The following MYT1 variants were observed in gnomAD, a reference collection of about 807,000 sequenced individuals.
The protein encoded by MYT1 is myelin transcription factor 1.
MYT1 carries 23 observed loss-of-function variants against 123.0 expected under a neutral mutation model. The observed-to-expected ratio is 0.19, with a 90% CI of 0.13 to 0.26. The LOEUF (loss-of-function observed/expected upper bound fraction) is 0.26. Among genes scored for constraint, MYT1 ranks in the 10% least tolerant of loss-of-function variants. The probability of loss-of-function intolerance (pLI) is 1.00; values close to 1 mark genes in which losing one functional copy is unlikely to be tolerated. For missense variants in MYT1, 1,125 were observed against 1,472.5 expected (o/e 0.76, Z 3.86); for synonymous variants, 518 against 575.3 (o/e 0.90, Z 1.43).
Position 64,186,878 on chromosome 20 carries a change from C to A in MYT1, c.-98-3185C>A, listed in dbSNP as rs532862773. 6.7e-6 allele frequency among the ~76,000 whole-genome samples: 1 copy of A among 150,172 alleles called. No homozygotes were observed. The highest frequency in any genetic ancestry group is 2.0e-4 in the East Asian group (1 of 5,028). On this transcript the variant is annotated intron_variant, in intron 1 of 22. Coordinates refer to ENST00000328439, the MANE Select transcript of MYT1 (RefSeq NM_004535.3). The surrounding 1 kb of genome is among the most constrained non-coding windows in gnomAD (Gnocchi z 4.3). ...CACGTGGCTCCGGCATCCACGTTTCCGTGGAGACTTTTCCTGTAGCCCGTG... is the reference window on the plus strand; with the variant it reads ...CACGTGGCTCCGGCATCCACGTTTCAGTGGAGACTTTTCCTGTAGCCCGTG...
intron 16 of MYT1, among the ~76,000 whole-genome samples, chr20:64,226,371 T>G (rs1481829959): frequency 6.6e-6 from 1 of 152,270 alleles, no homozygotes; most frequent in African/African-American, 2.4e-5. Context: ...GGAGATGTCC[T>G]GTCCCAGTGG....
Position 64,172,741 on chromosome 20 carries a change from CTTTT to C in MYT1, c.-99+8022_-99+8025del, listed in dbSNP as rs33943131. ...GTGCTGCTGGCTCTGGCCATACCCT[CTTTT>C]TTTTTTTTTTTTTTTTTTTGAAGAT... On this transcript the variant is annotated intron_variant, in intron 1 of 22. Transcript: ENST00000328439. Among the ~76,000 whole-genome samples, 301 of 95,548 alleles carry C rather than the reference CTTTT, an allele frequency of 3.2e-3. 4 individuals are homozygous for C. Among genetic ancestry groups the C allele is most frequent in the African/African-American group, 0.012 (283 of 23,552 alleles). The allele number at this position is 95,548 out of a possible 152,430, so 62.7% of individuals were successfully genotyped here. A position where few individuals can be genotyped will look rare whatever the true frequency, so the allele number is the denominator to read the frequency against.
rs1161981677 is a variant in MYT1, at chr20:64,189,345, G to T, written c.-98-718G>T. On this transcript the variant is annotated intron_variant, in intron 1 of 22. Coordinates refer to ENST00000328439, the MANE Select transcript of MYT1 (RefSeq NM_004535.3). The surrounding 1 kb of genome is among the most constrained non-coding windows in gnomAD (Gnocchi z 5.5). ...ATGGAAACGGGGAGTGACGTGCAGG[G>T]AATAGGTACACAATGCGTTTCTTTG... is the stretch of plus-strand genomic sequence containing the variant. Among the ~76,000 whole-genome samples, 1 of 152,230 alleles carries T rather than the reference G, an allele frequency of 6.6e-6. No homozygotes were observed. Among genetic ancestry groups the T allele is most frequent in the African/African-American group, 2.4e-5 (1 of 41,460 alleles).
chr20:64,182,964 C>T (rs1982696142), intron 1 of MYT1, among the ~76,000 whole-genome samples: 1 of 151,854 alleles, frequency 6.6e-6, no homozygotes, highest in African/African-American at 2.4e-5. Flanking sequence ...TAGGGTTGTA[C>T]ATCTATCACC....
Position 64,214,056 on chromosome 20 carries a change from A to G in MYT1, c.1631+409A>G, listed in dbSNP as rs183901842. ...CAGCCAAGGACCACGGACGTCCAGGAAGCACCATGAGCCACTAATCCTTGG... is the reference window on the plus strand; with the variant it reads ...CAGCCAAGGACCACGGACGTCCAGGGAGCACCATGAGCCACTAATCCTTGG... On this transcript the variant is annotated intron_variant, in intron 10 of 22. Coordinates refer to ENST00000328439, the MANE Select transcript of MYT1 (RefSeq NM_004535.3). 3.3e-5 allele frequency among the ~76,000 whole-genome samples: 5 copies of G among 152,290 alleles called. No individual in the cohort carries two copies. In the East Asian group the frequency reaches 9.7e-4, roughly 29 times the overall value.
At chr20:64,214,182 T>C (rs143322151) in intron 10 of MYT1, among the ~76,000 whole-genome samples, 2 of 152,270 alleles carry the variant, frequency 1.3e-5, no homozygotes, top group African/African-American at 4.8e-5. Context: ...GCCCCTGAGG[T>C]TCTGAGATCA....
intron 16 of MYT1, 31 bp from the exon 17 acceptor site, chr20:64,227,384 G>C (rs373379223): frequency 6.6e-5 from 107 of 1,609,208 alleles, no homozygotes; most frequent in Non-Finnish European, 8.4e-5. Flanking sequence ...GCCTTCACGG[G>C]CTCCCGTTCC....
intron 10 of MYT1, among the ~76,000 whole-genome samples, chr20:64,216,013 A>G (rs1983829018): frequency 6.6e-6 from 1 of 152,052 alleles, no homozygotes. Flanking sequence ...AGGAGAAAAC[A>G]CCCACGTCCT....
chr20:64,237,303 G>T lies in MYT1; in HGVS notation c.3006G>T (p.Glu1002Asp), dbSNP rs1397377236. The change falls in exon 21 of 23, where the codon GAG becomes GAT. Residue 1002 changes from glutamate to aspartate, a missense_variant. Glu to Asp is a conservative substitution (Grantham distance 45). This residue lies in a region of MYT1 where 243 missense variants were observed against 323.1 expected (regional missense o/e 0.75). Transcript: ENST00000328439. ...CTGGGTCAGTGTTGGAGAATGATGA[G>T]GAGATCAAGCAGCTGAACCAGGAGA... Reference protein sequence around the residue: ...FKTSDVLENDEEIKQLNQEIR... With the variant: ...FKTSDVLENDDEIKQLNQEIR... The T allele has an allele frequency of 5.6e-6, 9 of 1,611,034 alleles. 1 individual carries two copies. The highest frequency in any genetic ancestry group is 2.7e-5 in the African/African-American group (2 of 74,938).
chr20:64,210,361 T>C lies in MYT1; in HGVS notation c.1292-845T>C, dbSNP rs536454803. Among the ~76,000 whole-genome samples, 65 of 152,338 alleles carry C rather than the reference T, an allele frequency of 4.3e-4. 1 individual carries two copies. In the South Asian group the frequency reaches 0.013, roughly 30 times the overall value. On this transcript the variant is annotated intron_variant, in intron 7 of 22. Transcript: ENST00000328439. ...GGGACTGATGTTGGGGCACAGATGC[T>C]GCGAGAATTCTGGACAGAGGCCGTG...
rs1197979895 is a variant in MYT1, at chr20:64,239,645, C to T, written c.3094-115C>T. The T allele has an allele frequency of 2.1e-5, 31 of 1,464,114 alleles. No individual in the cohort carries two copies. The Admixed American group carries it at 5.9e-4, about 28-fold the overall frequency. 90.7% of individuals were successfully genotyped at this position (1,464,114 alleles called of 1,614,324 possible). A position where few individuals can be genotyped will look rare whatever the true frequency, so the allele number is the denominator to read the frequency against. ...CAGGAAGGCAGGGTCCCTGCCTCTT[C>T]CCCCACCCCAGGGTTCTGCATTCTC... is the stretch of plus-strand genomic sequence containing the variant. On this transcript the variant is annotated intron_variant, in intron 21 of 22. Transcript: ENST00000328439.
intron 1 of MYT1, among the ~76,000 whole-genome samples, chr20:64,180,304 T>C (rs1430553740): frequency 6.6e-6 from 1 of 152,246 alleles, no homozygotes; most frequent in Non-Finnish European, 1.5e-5. Flanking sequence ...AAACACAAGT[T>C]CATATTGATA....
chr20:64,228,841 A>G (rs1272192653), intron 18 of MYT1, among the ~76,000 whole-genome samples: 1 of 152,194 alleles, frequency 6.6e-6, no homozygotes, highest in African/African-American at 2.4e-5. Context: ...AGTGGAAATG[A>G]TGGCTCTGGA....
rs1402005758 is a variant in MYT1 at position 64,186,038 on chromosome 20, A to T, written c.-98-4025A>T. 1.3e-5 allele frequency among the ~76,000 whole-genome samples: 2 copies of T among 152,152 alleles called. No individual in the cohort carries two copies. The highest frequency in any genetic ancestry group is 3.9e-4 in the East Asian group (2 of 5,192). The stretch of plus-strand genomic sequence containing the variant: ...GGGGGGCTACAGCTCAGCACTGCAC[A>T]TCTCCCTGGCCTGTGTTGGAGTCTC... On this transcript the variant is annotated intron_variant, in intron 1 of 22. Coordinates refer to ENST00000328439, the MANE Select transcript of MYT1 (RefSeq NM_004535.3). This position sits in a 1 kb window ranked among gnomAD's most constrained non-coding sequence, Gnocchi z 4.3.
chr20:64,185,034 T>C lies in MYT1; in HGVS notation c.-98-5029T>C, dbSNP rs1346002564. Among the ~76,000 whole-genome samples, 2 of 152,010 alleles carry C rather than the reference T, an allele frequency of 1.3e-5. No individual in the cohort carries two copies. Among genetic ancestry groups the C allele is most frequent in the Non-Finnish European group, 2.9e-5 (2 of 67,996 alleles). On this transcript the variant is annotated intron_variant, in intron 1 of 22. Transcript: ENST00000328439. The surrounding 1 kb of genome is among the most constrained non-coding windows in gnomAD (Gnocchi z 4.5). ...CGCCTGTTGTTCCAGTAGAGGGATGTGGGTGGAGGCCAACTGTGGTGGGGA... is the reference window on the plus strand; with the variant it reads ...CGCCTGTTGTTCCAGTAGAGGGATGCGGGTGGAGGCCAACTGTGGTGGGGA...
In MYT1 at chr20:64,188,877, A is replaced by G. The variant is rs74948381; in HGVS notation, c.-98-1186A>G. Among the ~76,000 whole-genome samples, 1,261 of 152,322 alleles carry G rather than the reference A, an allele frequency of 8.3e-3. 9 individuals are homozygous for G. Among genetic ancestry groups the G allele is most frequent in the Middle Eastern group, 0.017 (5 of 294 alleles). ...CGGCCTGCGGGTGACTTACAGCTCAATGAGGGGAGGCACAGAGTAGGTGCA... is the reference window on the plus strand; with the variant it reads ...CGGCCTGCGGGTGACTTACAGCTCAGTGAGGGGAGGCACAGAGTAGGTGCA... On this transcript the variant is annotated intron_variant, in intron 1 of 22. Coordinates refer to ENST00000328439, the MANE Select transcript of MYT1 (RefSeq NM_004535.3).
chr20:64,236,794 G>C, intron 20 of MYT1, 148 bp downstream of exon 20: 1 of 691,822 alleles, frequency 1.4e-6, no homozygotes, highest in Non-Finnish European at 2.5e-6. Flanking sequence ...CTTCACCTAA[G>C]CTGACAGCCT....
At chr20:64,201,718 T>C (rs1219164627) in intron 4 of MYT1, among the ~76,000 whole-genome samples, 1 of 152,214 alleles carries the variant, frequency 6.6e-6, no homozygotes, top group Non-Finnish European at 1.5e-5. Flanking sequence ...CGCTGGGCTC[T>C]GACCGGACAA....
Position 64,202,307 on chromosome 20 carries a change from T to A in MYT1, c.86+2385T>A, listed in dbSNP as rs1033201070. Among the ~76,000 whole-genome samples the A allele has an allele frequency of 7.9e-5, 12 of 152,174 alleles. No individual in the cohort carries two copies. Among genetic ancestry groups the A allele is most frequent in the African/African-American group, 2.9e-4 (12 of 41,440 alleles). Reference sequence around the variant, plus strand: ...GGAGTGCCTGAGCGAAGAAGCAGTTTGATGGTTTTTCCTTTCACCCCATCG... The same window carrying A: ...GGAGTGCCTGAGCGAAGAAGCAGTTAGATGGTTTTTCCTTTCACCCCATCG... On this transcript the variant is annotated intron_variant, in intron 4 of 22. Coordinates refer to ENST00000328439, the MANE Select transcript of MYT1 (RefSeq NM_004535.3). This position sits in a 1 kb window ranked among gnomAD's most constrained non-coding sequence, Gnocchi z 5.0.
Sources: allele counts gnomAD v4.1 joint callset (sites outside exome capture counted in the v4.1 genomes callset), GRCh38; gene constraint gnomAD v4.1.1; regional missense constraint gnomAD v4.1.1; non-coding constraint Gnocchi (gnomAD v3.1); transcripts MANE v1.5; gene names NCBI Gene and HGNC (gene_info 2026-07-23, HGNC 2026-07-21).